NTRK2: variants seen among roughly 807,000 people sequenced by gnomAD.
NTRK2 encodes neurotrophic receptor tyrosine kinase 2.
Under a neutral mutation model 94.5 loss-of-function variants are expected in NTRK2, and 13 were observed. That is an observed-to-expected ratio of 0.14 (90% confidence interval 0.09 to 0.22). The LOEUF is 0.22. Ranked by LOEUF, NTRK2 falls within the 10% of genes least tolerant of loss-of-function variation. The pLI is 1.00. For missense variants in NTRK2, 639 were observed against 1,071.2 expected (o/e 0.60, Z 5.63); for synonymous variants, 372 against 407.4 (o/e 0.91, Z 1.05).
At chr9:85,000,334 A>C (rs994784459) in intron 17 of NTRK2, among the ~76,000 whole-genome samples, 1 of 152,156 alleles carries the variant, frequency 6.6e-6, no homozygotes, top group Non-Finnish European at 1.5e-5. Flanking sequence ...ACATGTATCC[A>C]GCATTGTAGT....
chr9:84,706,230 G>A (rs1330584406), intron 4 of NTRK2, among the ~76,000 whole-genome samples: 3 of 106,986 alleles, frequency 2.8e-5, no homozygotes, highest in African/African-American at 6.0e-5. Flanking sequence ...GAGGAAGGAC[G>A]GTACCCTGTG....
intron 13 of NTRK2, among the ~76,000 whole-genome samples, chr9:84,862,337 G>T (rs891438667): frequency 1.3e-5 from 2 of 152,190 alleles, no homozygotes; most frequent in Non-Finnish European, 2.9e-5. Context: ...GTATGCGTGC[G>T]TAGGTGTATC....
intron 17 of NTRK2, among the ~76,000 whole-genome samples, chr9:84,973,886 TA>T (rs774598179): frequency 6.6e-6 from 1 of 152,000 alleles, no homozygotes. Flanking sequence ...GGAAAAAATT[TA>T]AAAAAAACAA....
intron 17 of NTRK2, among the ~76,000 whole-genome samples, chr9:84,960,904 A>ACAGGACTCCCAC (rs1307916531): frequency 6.6e-6 from 1 of 152,070 alleles, no homozygotes; most frequent in Admixed American, 6.6e-5. Flanking sequence ...TGATTGTTGA[A>ACAGGACTCCCAC]CAGGACTCCC....
rs1832937415 is a variant in NTRK2 at position 85,024,523 on chromosome 9, A to AC, written c.*3087dup. 4.3e-6 allele frequency: 1 copy of AC among 232,824 alleles called. No individual in the cohort carries two copies. Among genetic ancestry groups the AC allele is most frequent in the Non-Finnish European group, 8.5e-6 (1 of 117,856 alleles). The allele number at this position is 232,824 out of a possible 1,614,324, so 14.4% of individuals were successfully genotyped here. On this transcript the variant is annotated 3_prime_UTR_variant, in exon 19 of 19. Coordinates refer to ENST00000277120, the MANE Select transcript of NTRK2 (RefSeq NM_006180.6). ...TTGAGACTCAGAGACATTCAGAGGC[A>AC]CGCTAGAGGTCTCCAGCCTAGCTTC...
In NTRK2 at chr9:84,813,422, A is replaced by C. The variant is rs200789383; in HGVS notation, c.1397-47618A>C. On this transcript the variant is annotated intron_variant, in intron 12 of 18. Coordinates refer to ENST00000277120, the MANE Select transcript of NTRK2 (RefSeq NM_006180.6). Reference sequence around the variant, plus strand: ...AGCCAACAAAAGTCTGTGGGCTGCCAGTTTATTACTTTTGTCTTAAAACAT... The same window carrying C: ...AGCCAACAAAAGTCTGTGGGCTGCCCGTTTATTACTTTTGTCTTAAAACAT... 2,911 of 1,064,084 alleles carry C rather than the reference A, an allele frequency of 2.7e-3. 1 individual carries two copies. Among genetic ancestry groups the C allele is most frequent in the Non-Finnish European group, 3.1e-3 (2,715 of 878,438 alleles). 65.9% of individuals were successfully genotyped at this position (1,064,084 alleles called of 1,614,324 possible).
intron 12 of NTRK2, among the ~76,000 whole-genome samples, chr9:84,821,108 T>A (rs1299688122): frequency 6.6e-6 from 1 of 152,204 alleles, no homozygotes; most frequent in African/African-American, 2.4e-5. Flanking sequence ...GTTTTCTTTT[T>A]TTTATTTCTC....
intron 9 of NTRK2, among the ~76,000 whole-genome samples, chr9:84,740,534 G>A (rs1377852410): frequency 6.6e-6 from 1 of 152,154 alleles, no homozygotes; most frequent in African/African-American, 2.4e-5. Context: ...GGCTGCACAG[G>A]TGCACAGGGT....
At chr9:84,943,704 C>A (rs564433088) in intron 15 of NTRK2, among the ~76,000 whole-genome samples, 2 of 152,222 alleles carry the variant, frequency 1.3e-5, no homozygotes, top group Non-Finnish European at 2.9e-5. Context: ...CAGTGCATTG[C>A]CAAGGGACTC....
intron 17 of NTRK2, among the ~76,000 whole-genome samples, chr9:85,013,472 T>C (rs536428800): frequency 1.3e-5 from 2 of 152,216 alleles, no homozygotes; most frequent in African/African-American, 4.8e-5. Flanking sequence ...ATGGCTAATT[T>C]TTGTATTTTT....
intron 17 of NTRK2, among the ~76,000 whole-genome samples, chr9:84,957,189 G>A (rs1487083753): frequency 6.6e-6 from 1 of 152,140 alleles, no homozygotes; most frequent in Non-Finnish European, 1.5e-5. Context: ...AGGGACATGT[G>A]GCCCAGGCAA....
At chr9:84,875,039 A>G in intron 14 of NTRK2, 1 of 1,059,556 alleles carries the variant, frequency 9.4e-7, no homozygotes, top group Non-Finnish European at 1.1e-6. Flanking sequence ...AACAAAGATG[A>G]AACGAAAAGT....
At chr9:84,865,432 T>C (rs190821784) in intron 13 of NTRK2, among the ~76,000 whole-genome samples, 30 of 152,302 alleles carry the variant, frequency 2.0e-4, no homozygotes, top group Non-Finnish European at 2.8e-4. Context: ...CTGTTATCAC[T>C]ACAAACTGTG....
chr9:84,820,499 T>C (rs2072735493), intron 12 of NTRK2, among the ~76,000 whole-genome samples: 1 of 152,174 alleles, frequency 6.6e-6, no homozygotes, highest in Non-Finnish European at 1.5e-5. Context: ...GAAGTCTTAC[T>C]AATTCCGTGA....
chr9:84,795,046 C>G (rs2069147532), intron 12 of NTRK2, among the ~76,000 whole-genome samples: 3 of 152,176 alleles, frequency 2.0e-5, no homozygotes, highest in South Asian at 4.1e-4. Flanking sequence ...GCTCTCAGCT[C>G]TGTCCACGAC....
At position 84,982,077 on chromosome 9, in the gene NTRK2, C is replaced by T. The variant is rs1049688642; in HGVS notation, c.2172+26560C>T. 2.0e-5 allele frequency among the ~76,000 whole-genome samples: 3 copies of T among 152,298 alleles called. No homozygotes were observed. In the South Asian group the frequency reaches 6.2e-4, roughly 32 times the overall value. Reference sequence around the variant, plus strand: ...TTCTGCAAGTTTTAGTACTTACATGCAATAGTATCTTTCCTTTTTATTGGG... The same window carrying T: ...TTCTGCAAGTTTTAGTACTTACATGTAATAGTATCTTTCCTTTTTATTGGG... On this transcript the variant is annotated intron_variant, in intron 17 of 18. Transcript: ENST00000277120.
chr9:84,895,464 C>A (rs545163543), intron 14 of NTRK2, among the ~76,000 whole-genome samples: 4 of 152,324 alleles, frequency 2.6e-5, no homozygotes, highest in Non-Finnish European at 5.9e-5. Flanking sequence ...ACAGGGAATT[C>A]TCTTCACATT....
chr9:84,874,758 A>G, intron 14 of NTRK2: 1 of 1,060,358 alleles, frequency 9.4e-7, no homozygotes, highest in Non-Finnish European at 1.1e-6. Flanking sequence ...GGAGGAGATG[A>G]ATCCATTCTG....
chr9:84,964,093 C>A (rs535255905), intron 17 of NTRK2, among the ~76,000 whole-genome samples: 1 of 152,256 alleles, frequency 6.6e-6, no homozygotes, highest in East Asian at 1.9e-4. Context: ...TATTGTGGGT[C>A]ATATTTTCTG....
Sources: gnomAD v4.1 joint callset for allele counts (sites outside exome capture counted in the v4.1 genomes callset) on GRCh38, gnomAD v4.1.1 for gene constraint, MANE v1.5 for transcripts, NCBI Gene and HGNC (gene_info 2026-07-23, HGNC 2026-07-21) for gene names.